ZNF175: variants seen among roughly 807,000 people sequenced by gnomAD.
ZNF175 encodes the protein zinc finger protein 175.
ZNF175 carries 8 observed loss-of-function variants against 14.0 expected under a neutral mutation model. The observed-to-expected ratio is 0.57, with a 90% CI of 0.34 to 1.03. The LOEUF (loss-of-function observed/expected upper bound fraction) is 1.03, where lower values mean the gene tolerates loss of function less well. Among genes scored for constraint, ZNF175 ranks in the 50% least tolerant of loss-of-function variants. The pLI is 0.03. For missense variants in ZNF175, 764 were observed against 849.5 expected (o/e 0.90, Z 1.25); for synonymous variants, 255 against 296.8 (o/e 0.86, Z 1.45).
At chr19:51,582,576 C>T (rs1568575249) in intron 4 of ZNF175, among the ~76,000 whole-genome samples, 3 of 152,158 alleles carry the variant, frequency 2.0e-5, no homozygotes, top group Non-Finnish European at 4.4e-5. Context: ...GAATTATAGG[C>T]GTGAGCCACC....
rs1982288583 is a variant in ZNF175, at chr19:51,589,530, G to A, written c.*1063G>A. 1.4e-6 allele frequency: 1 copy of A among 701,556 alleles called. No individual in the cohort carries two copies. The highest frequency in any genetic ancestry group is 2.6e-6 in the Non-Finnish European group (1 of 384,612). 43.5% of individuals were successfully genotyped at this position (701,556 alleles called of 1,614,324 possible). A position where few individuals can be genotyped will look rare whatever the true frequency, so the allele number is the denominator to read the frequency against. ...AATGTTTACTGATCTTTATATTACA[G>A]ATTTTCTCTTCTTTTAGGATTAGCT... On this transcript the variant is annotated 3_prime_UTR_variant, in exon 5 of 5. Transcript: ENST00000262259.
At chr19:51,574,238 A>G (rs1414123138) in intron 2 of ZNF175, 2 of 152,226 alleles carry the variant, frequency 1.3e-5, no homozygotes, top group African/African-American at 4.8e-5. Flanking sequence ...TATTTCAGTA[A>G]CCTGTTAAAA....
At position 51,592,359 on chromosome 19, in the gene ZNF175, G is replaced by A; in HGVS notation, c.*3892G>A. 1 of 368,662 alleles carries A rather than the reference G, an allele frequency of 2.7e-6. No individual in the cohort carries two copies. The highest frequency in any genetic ancestry group is 4.8e-6 in the Non-Finnish European group (1 of 207,334). The allele number at this position is 368,662 out of a possible 1,614,324, so 22.8% of individuals were successfully genotyped here. ...GAATAATAATAGATCTCGCCTTGTG[G>A]CTCCTTTGCAGATTACATGCGTTAA... is the stretch of plus-strand genomic sequence containing the variant. On this transcript the variant is annotated 3_prime_UTR_variant, in exon 5 of 5. Transcript: ENST00000262259.
Position 51,573,782 on chromosome 19 carries a change from T to A in ZNF175, c.72+381T>A, listed in dbSNP as rs200541570. ...CAAATTCCTTGCTTGGTCCATGGGGTTTGGCCCGTTTTTCCTCTGTTCTCA... is the reference window on the plus strand; with the variant it reads ...CAAATTCCTTGCTTGGTCCATGGGGATTGGCCCGTTTTTCCTCTGTTCTCA... On this transcript the variant is annotated intron_variant, in intron 2 of 4. Coordinates refer to ENST00000262259, the MANE Select transcript of ZNF175 (RefSeq NM_007147.4). The A allele has an allele frequency of 6.2e-3, 1,119 of 181,836 alleles. 33 individuals carry two copies. In the East Asian group the frequency reaches 0.22, roughly 35 times the overall value. 11.3% of individuals were successfully genotyped at this position (181,836 alleles called of 1,614,324 possible).
chr19:51,592,048 A>T lies in ZNF175; in HGVS notation c.*3581A>T, dbSNP rs1425514320. 6.6e-6 allele frequency: 1 copy of T among 151,910 alleles called. No homozygotes were observed. The highest frequency in any genetic ancestry group is 1.5e-5 in the Non-Finnish European group (1 of 68,136). 9.4% of individuals were successfully genotyped at this position (151,910 alleles called of 1,614,324 possible). Reference sequence around the variant, plus strand: ...CTCCCAAAGTGCCCATGACCTTTTTATTGTTGGGCAGTGAAAGCCATGGTG... The same window carrying T: ...CTCCCAAAGTGCCCATGACCTTTTTTTTGTTGGGCAGTGAAAGCCATGGTG... On this transcript the variant is annotated 3_prime_UTR_variant, in exon 5 of 5. Coordinates refer to ENST00000262259, the MANE Select transcript of ZNF175 (RefSeq NM_007147.4).
chr19:51,575,566 T>C (rs1981751775), intron 2 of ZNF175, among the ~76,000 whole-genome samples: 1 of 152,232 alleles, frequency 6.6e-6, no homozygotes. Context: ...AAGTAGGTTT[T>C]AGTTTTGTTT....
chr19:51,585,978 G>C (rs1045104282), intron 4 of ZNF175, among the ~76,000 whole-genome samples: 1 of 152,192 alleles, frequency 6.6e-6, no homozygotes, highest in African/African-American at 2.4e-5. Context: ...AGGCATAGGA[G>C]AGTTGAGGCA....
chr19:51,583,586 T>A (rs1347504200), intron 4 of ZNF175, among the ~76,000 whole-genome samples: 2 of 152,178 alleles, frequency 1.3e-5, no homozygotes, highest in Non-Finnish European at 2.9e-5. Context: ...CAGTGAGATA[T>A]GTTGATTTCA....
intron 3 of ZNF175, 114 bp from the exon 4 acceptor site, chr19:51,581,673 T>A: frequency 1.3e-6 from 2 of 1,522,780 alleles, no homozygotes; most frequent in Non-Finnish European, 1.8e-6. Flanking sequence ...CTAGTATTAT[T>A]TTGTGCCCAG....
intron 2 of ZNF175, among the ~76,000 whole-genome samples, chr19:51,576,760 C>T (rs910066985): frequency 8.5e-5 from 13 of 152,066 alleles, no homozygotes; most frequent in African/African-American, 3.1e-4. Flanking sequence ...TTTTCTCTGT[C>T]AAGTGTCCAG....
At position 51,587,407 on chromosome 19, in the gene ZNF175, GAAAGAAGCCCTAT is replaced by G; in HGVS notation, c.1080_1092del (p.Lys360AsnfsTer99). ...CTTACGCACCAGAAAACACACACTAGAAAGAAGCCCTATAAATGCCATGACTGTGGAAAAGCCT... is the reference window on the plus strand; with the variant it reads ...CTTACGCACCAGAAAACACACACTAGAAATGCCATGACTGTGGAAAAGCCT... On this transcript the variant is annotated frameshift_variant, in exon 5 of 5. Coordinates refer to ENST00000262259, the MANE Select transcript of ZNF175 (RefSeq NM_007147.4). LOFTEE classifies it low-confidence loss of function (END_TRUNC). 1 of 1,614,106 alleles carries G rather than the reference GAAAGAAGCCCTAT, an allele frequency of 6.2e-7. No homozygotes were observed. The highest frequency in any genetic ancestry group is 8.5e-7 in the Non-Finnish European group (1 of 1,180,022).
intron 2 of ZNF175, among the ~76,000 whole-genome samples, chr19:51,575,362 G>A (rs1262704142): frequency 2.6e-5 from 4 of 151,788 alleles, no homozygotes; most frequent in Admixed American, 2.0e-4. Flanking sequence ...GAGTACAGGC[G>A]CCTGACAGCA....
intron 4 of ZNF175, among the ~76,000 whole-genome samples, chr19:51,584,832 A>G (rs1389609967): frequency 6.6e-6 from 1 of 152,174 alleles, no homozygotes; most frequent in Admixed American, 6.5e-5. Flanking sequence ...AAACAGAATA[A>G]CAAGTGTTGG....
chr19:51,578,170 G>A (rs528316811), intron 2 of ZNF175, among the ~76,000 whole-genome samples: 70 of 151,856 alleles, frequency 4.6e-4, no homozygotes, highest in African/African-American at 1.4e-3. Context: ...AGGCCGAGGC[G>A]GGCTGATCAC....
At position 51,573,388 on chromosome 19, in the gene ZNF175, A is replaced by G. The variant is rs772967880; in HGVS notation, c.59A>G (p.Asp20Gly). 1.9e-6 allele frequency: 3 copies of G among 1,612,514 alleles called. No individual in the cohort carries two copies. The highest frequency in any genetic ancestry group is 2.2e-5 in the East Asian group (1 of 44,662). Residue 20 changes from aspartate to glycine, a missense_variant, in exon 2 of 5, where the codon GAT becomes GGT. By Grantham distance (94) the Asp-to-Gly change is moderately conservative. Coordinates refer to ENST00000262259, the MANE Select transcript of ZNF175 (RefSeq NM_007147.4). Reference protein sequence around the residue: ...KPQVLGPEKQDGSCEASVSFE... With the variant: ...KPQVLGPEKQGGSCEASVSFE... ...CAGGTCCTGGGTCCAGAGAAGCAGG[A>G]TGGATCTTGCGAGGTAAACAGGGGC...
chr19:51,572,442 T>C (rs188577451), intron 1 of ZNF175, among the ~76,000 whole-genome samples: 1 of 152,296 alleles, frequency 6.6e-6, no homozygotes, highest in Admixed American at 6.5e-5. Context: ...GATTTTAAGT[T>C]TTAGCTCTAG....
At position 51,575,267 on chromosome 19, in the gene ZNF175, A is replaced by AGT. The variant is rs376672905; in HGVS notation, c.72+1868_72+1869dup. 3.0e-3 allele frequency among the ~76,000 whole-genome samples: 362 copies of AGT among 122,180 alleles called. 2 individuals carry two copies. Among genetic ancestry groups the AGT allele is most frequent in the African/African-American group, 0.011 (331 of 31,216 alleles). 80.2% of individuals were successfully genotyped at this position (122,180 alleles called of 152,430 possible). A position where few individuals can be genotyped will look rare whatever the true frequency, so the allele number is the denominator to read the frequency against. On this transcript the variant is annotated intron_variant, in intron 2 of 4. Coordinates refer to ENST00000262259, the MANE Select transcript of ZNF175 (RefSeq NM_007147.4). ...AGTCTCGCTCTGAAGCGCAGGCTGG[A>AGT]GTGCAGTGGCGCAATCTCTGCTCAC...
At position 51,592,307 on chromosome 19, in the gene ZNF175, G is replaced by T. The variant is rs62113348; in HGVS notation, c.*3840G>T. 0.15 allele frequency: 38,197 copies of T among 254,926 alleles called. 3,524 individuals carry two copies. The highest frequency in any genetic ancestry group is 0.19 in the Non-Finnish European group (26,306 of 134,972). The allele number at this position is 254,926 out of a possible 1,614,324, so 15.8% of individuals were successfully genotyped here. On this transcript the variant is annotated 3_prime_UTR_variant, in exon 5 of 5. Coordinates refer to ENST00000262259, the MANE Select transcript of ZNF175 (RefSeq NM_007147.4). ...TGGTGGCAAGCAACTTAACCTCTCT[G>T]CCTTAATTTCTCCAGCAGCACAATG...
In ZNF175 at chr19:51,592,379, C is replaced by T. The variant is rs901773705; in HGVS notation, c.*3912C>T. The T allele has an allele frequency of 3.8e-5, 16 of 422,386 alleles. No homozygotes were observed. Among genetic ancestry groups the T allele is most frequent in the Non-Finnish European group, 5.8e-5 (14 of 240,656 alleles). The allele number at this position is 422,386 out of a possible 1,614,324, so 26.2% of individuals were successfully genotyped here. Reference sequence around the variant, plus strand: ...TTGTGGCTCCTTTGCAGATTACATGCGTTAATTATGTAAAGTCAAGCATTA... The same window carrying T: ...TTGTGGCTCCTTTGCAGATTACATGTGTTAATTATGTAAAGTCAAGCATTA... On this transcript the variant is annotated 3_prime_UTR_variant, in exon 5 of 5. Coordinates refer to ENST00000262259, the MANE Select transcript of ZNF175 (RefSeq NM_007147.4).
Sources: gnomAD v4.1 joint callset for allele counts (sites outside exome capture counted in the v4.1 genomes callset) on GRCh38, gnomAD v4.1.1 for gene constraint, MANE v1.5 for transcripts, NCBI Gene and HGNC (gene_info 2026-07-23, HGNC 2026-07-21) for gene names.